The following ADAMTS17 variants were observed in gnomAD, a reference collection of about 807,000 sequenced individuals.
ADAMTS17 encodes the protein A disintegrin and metalloproteinase with thrombospondin motifs 17.
ADAMTS17 carries 113 observed loss-of-function variants against 141.5 expected under a neutral mutation model. The ratio of observed to expected loss-of-function variants is 0.80; its 90% CI spans 0.69 to 0.93. The LOEUF is 0.93. ADAMTS17 is among the 40% of genes least tolerant of loss of function. The pLI is 0.00. For missense variants in ADAMTS17, 1,659 were observed against 1,517.9 expected, an observed-to-expected ratio of 1.09 and a Z score of -1.54; for synonymous variants, 768 against 630.6, an observed-to-expected ratio of 1.22 and a Z score of -3.27.
chr15:100,254,861 G>A (rs2043272559), intron 6 of ADAMTS17, among the ~76,000 whole-genome samples: 2 of 152,194 alleles, frequency 1.3e-5, no homozygotes, highest in African/African-American at 2.4e-5. Context: ...CGGGGTGAAG[G>A]AGAGGGACAG....
Position 100,323,084 on chromosome 15 carries a change from C to CAAAAAA in ADAMTS17, c.616+7799_616+7804dup, listed in dbSNP as rs60468549. ...CCCGGGAGACAGCGAGACTCCGTCT[C>CAAAAAA]AAAAAAAAAAAAAAAAAAAAGAATT... On this transcript the variant is annotated intron_variant, in intron 3 of 21. Coordinates refer to ENST00000268070, the MANE Select transcript of ADAMTS17 (RefSeq NM_139057.4). 8.6e-4 allele frequency among the ~76,000 whole-genome samples: 92 copies of CAAAAAA among 107,424 alleles called. 1 individual carries two copies. The highest frequency in any genetic ancestry group is 1.8e-3 in the South Asian group (6 of 3,280). 70.5% of individuals were successfully genotyped at this position (107,424 alleles called of 152,430 possible).
intron 18 of ADAMTS17, among the ~76,000 whole-genome samples, chr15:100,001,585 G>A (rs901002787): frequency 3.9e-5 from 6 of 152,114 alleles, no homozygotes; most frequent in South Asian, 2.1e-4. Context: ...GCACTCTGGC[G>A]GGGAGACCAT....
rs148161343 is a variant in ADAMTS17, at chr15:100,297,239, C to T, written c.617-15838G>A. On this transcript the variant is annotated intron_variant, in intron 3 of 21. Transcript: ENST00000268070. ...GCAAGGAGGCAAGAGCAAGAGAGAA[C>T]GTAGGCACCAAGGAGGCCGGAGCAA... Among the ~76,000 whole-genome samples, 21 of 152,198 alleles carry T rather than the reference C, an allele frequency of 1.4e-4. 1 individual carries two copies. The East Asian group carries it at 3.1e-3, about 22-fold the overall frequency.
At chr15:100,094,123 G>A (rs1253261032) in intron 15 of ADAMTS17, among the ~76,000 whole-genome samples, 2 of 152,184 alleles carry the variant, frequency 1.3e-5, no homozygotes, top group Non-Finnish European at 2.9e-5. Flanking sequence ...TAAAATGAAT[G>A]TGTGACAATT....
chr15:100,279,516 C>T (rs2044212718), intron 4 of ADAMTS17, among the ~76,000 whole-genome samples: 1 of 152,238 alleles, frequency 6.6e-6, no homozygotes, highest in Non-Finnish European at 1.5e-5. Flanking sequence ...GCACCCATTT[C>T]GTTTAACCTT....
At chr15:100,147,177 T>C (rs944844824) in intron 10 of ADAMTS17, among the ~76,000 whole-genome samples, 4 of 152,062 alleles carry the variant, frequency 2.6e-5, no homozygotes, top group African/African-American at 7.2e-5. Flanking sequence ...CCTACCGAGA[T>C]GTGATGTCTC....
chr15:100,169,303 G>A (rs1186591687), intron 8 of ADAMTS17, among the ~76,000 whole-genome samples: 1 of 152,178 alleles, frequency 6.6e-6, no homozygotes, highest in Non-Finnish European at 1.5e-5. Flanking sequence ...ACAGGCAAAG[G>A]TGGAGCCACC....
At chr15:100,289,238 C>T (rs1317744100) in intron 3 of ADAMTS17, among the ~76,000 whole-genome samples, 1 of 152,076 alleles carries the variant, frequency 6.6e-6, no homozygotes, top group Non-Finnish European at 1.5e-5. Context: ...ACTAGAAAAC[C>T]TGGAAGAAAC....
At chr15:100,048,712 T>C (rs999011334) in intron 18 of ADAMTS17, 145 bp downstream of exon 18, 47 of 1,329,316 alleles carry the variant, frequency 3.5e-5, no homozygotes, top group Non-Finnish European at 4.7e-5. Flanking sequence ...ATTTGGTAAT[T>C]TGAGCAAGCG....
chr15:100,031,124 T>C (rs1170951358), intron 18 of ADAMTS17, among the ~76,000 whole-genome samples: 1 of 152,158 alleles, frequency 6.6e-6, no homozygotes, highest in Non-Finnish European at 1.5e-5. Flanking sequence ...TCATGTAACT[T>C]GCCCGTGGGT....
intron 7 of ADAMTS17, among the ~76,000 whole-genome samples, chr15:100,205,359 A>G (rs2041496532): frequency 6.6e-6 from 1 of 152,154 alleles, no homozygotes; most frequent in African/African-American, 2.4e-5. Context: ...GCTGCTAGAA[A>G]CCAAAACATG....
rs185735354 is a variant in ADAMTS17 at position 100,233,073 on chromosome 15, A to G, written c.1075+21063T>C. Among the ~76,000 whole-genome samples, 363 of 152,294 alleles carry G rather than the reference A, an allele frequency of 2.4e-3. 2 individuals carry two copies. The highest frequency in any genetic ancestry group is 3.9e-3 in the Non-Finnish European group (262 of 68,028). ...GCCAGGCGCGGTGGCTCACGCCTAT[A>G]ATCCTAGCACTTTGGGAGGCTAAGG... On this transcript the variant is annotated intron_variant, in intron 7 of 21. Transcript: ENST00000268070.
At chr15:100,287,048 T>G (rs1450224876) in intron 3 of ADAMTS17, among the ~76,000 whole-genome samples, 1 of 152,000 alleles carries the variant, frequency 6.6e-6, no homozygotes, top group Non-Finnish European at 1.5e-5. Context: ...ATTAGCTGGG[T>G]GTGGTGGCAC....
At chr15:100,162,480 T>C (rs143193895) in intron 8 of ADAMTS17, among the ~76,000 whole-genome samples, 1,454 of 132,394 alleles carry the variant, frequency 0.011, 37 homozygotes, top group African/African-American at 0.038. Context: ...ATTATATGTG[T>C]ATATATATGC....
intron 14 of ADAMTS17, among the ~76,000 whole-genome samples, chr15:100,107,730 T>C (rs2036495793): frequency 6.6e-6 from 1 of 152,112 alleles, no homozygotes; most frequent in Non-Finnish European, 1.5e-5. Flanking sequence ...CTGTCTATGA[T>C]AAGCGACCCC....
intron 7 of ADAMTS17, among the ~76,000 whole-genome samples, chr15:100,201,828 G>T (rs918918944): frequency 6.6e-6 from 1 of 152,060 alleles, no homozygotes. Flanking sequence ...CATTATTCTG[G>T]GTTTTGTTTA....
chr15:100,068,864 G>A (rs139545126), intron 15 of ADAMTS17, among the ~76,000 whole-genome samples: 28 of 152,334 alleles, frequency 1.8e-4, no homozygotes, highest in East Asian at 9.6e-4. Context: ...CCAAAGGAAC[G>A]CAGCTCCTCA....
chr15:100,301,775 T>C lies in ADAMTS17; in HGVS notation c.617-20374A>G, dbSNP rs113093635. On this transcript the variant is annotated intron_variant, in intron 3 of 21. Transcript: ENST00000268070. ...AGTCAAGAACAATTTGATTTTCCCTTTTGAATAAGAATTTAGCATCTTTTT... is the reference window on the plus strand; with the variant it reads ...AGTCAAGAACAATTTGATTTTCCCTCTTGAATAAGAATTTAGCATCTTTTT... Among the ~76,000 whole-genome samples, 361 of 152,280 alleles carry C rather than the reference T, an allele frequency of 2.4e-3. 1 individual carries two copies. The highest frequency in any genetic ancestry group is 0.014 in the Middle Eastern group (4 of 294).
In ADAMTS17 at chr15:100,004,045, T is replaced by C. The variant is rs543511587; in HGVS notation, c.2592-6456A>G. ...GTGTATTTTACCACAATTAAAAGAATGATGTCAGTGGGTGGTTAGAAGCAA... is the reference window on the plus strand; with the variant it reads ...GTGTATTTTACCACAATTAAAAGAACGATGTCAGTGGGTGGTTAGAAGCAA... On this transcript the variant is annotated intron_variant, in intron 18 of 21. Coordinates refer to ENST00000268070, the MANE Select transcript of ADAMTS17 (RefSeq NM_139057.4). 3.9e-5 allele frequency among the ~76,000 whole-genome samples: 6 copies of C among 152,360 alleles called. No individual in the cohort carries two copies. The East Asian group carries it at 9.6e-4, about 24-fold the overall frequency.
Sources: gnomAD v4.1 joint callset for allele counts (sites outside exome capture counted in the v4.1 genomes callset) on GRCh38, gnomAD v4.1.1 for gene constraint, MANE v1.5 for transcripts, NCBI Gene and HGNC (gene_info 2026-07-23, HGNC 2026-07-21) for gene names.